The following TBC1D5 variants were observed in gnomAD, a reference collection of about 807,000 sequenced individuals.
The protein encoded by TBC1D5 is TBC1 domain family, member 5.
TBC1D5 carries 75 observed loss-of-function variants against 100.3 expected under a neutral mutation model. That is an observed-to-expected ratio of 0.75 (90% CI 0.62 to 0.91). TBC1D5 has a LOEUF of 0.91. Among genes scored for constraint, TBC1D5 ranks in the 40% least tolerant of loss-of-function variants. TBC1D5 has a pLI of 0.00. For missense variants in TBC1D5, 910 were observed against 942.4 expected, an observed-to-expected ratio of 0.97 and a Z score of 0.45; for synonymous variants, 323 against 325.6, an observed-to-expected ratio of 0.99 and a Z score of 0.09.
At chr3:17,197,542 A>G (rs1161536574) in intron 18 of TBC1D5, among the ~76,000 whole-genome samples, 1 of 152,116 alleles carries the variant, frequency 6.6e-6, no homozygotes, top group South Asian at 2.1e-4. Flanking sequence ...AAGCCCAGCT[A>G]ATTTTTTTTG....
rs374511285 is a variant in TBC1D5, at chr3:17,503,060, A to C, written c.97+5414T>G. Among the ~76,000 whole-genome samples, 456 of 149,790 alleles carry C rather than the reference A, an allele frequency of 3.0e-3. 11 individuals carry two copies. The highest frequency in any genetic ancestry group is 0.019 in the South Asian group (88 of 4,748). On this transcript the variant is annotated intron_variant, in intron 3 of 21. Transcript: ENST00000253692. ...AGTTTATTCACCCTACTACAGCCAG[A>C]ATAATCTTTGTAAAATGCAAATCTG...
intron 1 of TBC1D5, among the ~76,000 whole-genome samples, chr3:17,700,255 C>G (rs867193440): frequency 1.3e-5 from 2 of 152,020 alleles, no homozygotes; most frequent in Middle Eastern, 6.8e-3. Flanking sequence ...ATAAATGGTG[C>G]TGGGAAAACT....
At chr3:17,626,147 A>G (rs2063036241) in intron 1 of TBC1D5, among the ~76,000 whole-genome samples, 1 of 152,186 alleles carries the variant, frequency 6.6e-6, no homozygotes, top group Non-Finnish European at 1.5e-5. Flanking sequence ...TGAAGTAAGA[A>G]AAATTATAAA....
At chr3:17,509,120 T>C (rs938974280) in intron 2 of TBC1D5, among the ~76,000 whole-genome samples, 4 of 152,022 alleles carry the variant, frequency 2.6e-5, no homozygotes, top group Non-Finnish European at 4.4e-5. Context: ...GTAAACATAC[T>C]GATTATGTAA....
At chr3:17,548,640 C>G (rs1309481552) in intron 2 of TBC1D5, among the ~76,000 whole-genome samples, 1 of 152,128 alleles carries the variant, frequency 6.6e-6, no homozygotes, top group Non-Finnish European at 1.5e-5. Context: ...TAAACATAAA[C>G]ATGGTAGGGA....
At chr3:17,177,187 A>G (rs2067861202) in intron 19 of TBC1D5, among the ~76,000 whole-genome samples, 1 of 152,262 alleles carries the variant, frequency 6.6e-6, no homozygotes, top group Non-Finnish European at 1.5e-5. Context: ...GGAAAGAACC[A>G]GAAAATGGAA....
intron 15 of TBC1D5, among the ~76,000 whole-genome samples, chr3:17,276,239 T>C (rs2079996419): frequency 6.6e-6 from 1 of 152,170 alleles, no homozygotes; most frequent in Non-Finnish European, 1.5e-5. Flanking sequence ...TTTGTGGGGT[T>C]TCTTTTACAA....
At chr3:17,460,841 A>C (rs547367937) in intron 3 of TBC1D5, among the ~76,000 whole-genome samples, 3 of 152,242 alleles carry the variant, frequency 2.0e-5, no homozygotes, top group Non-Finnish European at 4.4e-5. Flanking sequence ...AGTGGGTCAG[A>C]AAGATTATTA....
chr3:17,364,155 C>T (rs2091948230), intron 13 of TBC1D5, among the ~76,000 whole-genome samples: 1 of 151,972 alleles, frequency 6.6e-6, no homozygotes. Flanking sequence ...ATGTTTTCTA[C>T]TAATTATTTA....
chr3:17,725,396 T>C (rs1340933076), intron 1 of TBC1D5, among the ~76,000 whole-genome samples: 5 of 152,142 alleles, frequency 3.3e-5, no homozygotes, highest in Admixed American at 6.5e-5. Flanking sequence ...AGTATTTTTT[T>C]TTTTTTTTAG....
chr3:17,181,604 T>C (rs2125439958), intron 19 of TBC1D5, among the ~76,000 whole-genome samples: 2 of 152,288 alleles, frequency 1.3e-5, no homozygotes, highest in Middle Eastern at 6.8e-3. Flanking sequence ...AGGTTGTCTG[T>C]TTCTCAGACA....
Position 17,670,767 on chromosome 3 carries a change from G to A in TBC1D5, c.-100-46854C>T, listed in dbSNP as rs184682217. Among the ~76,000 whole-genome samples, 47 of 152,270 alleles carry A rather than the reference G, an allele frequency of 3.1e-4. No individual in the cohort carries two copies. In the East Asian group the frequency reaches 7.7e-3, roughly 25 times the overall value. ...GTAGTAGGCATATTCCAGATTCCTGGCCATGTCAGGGAAATCCTTTCATAG... is the reference window on the plus strand; with the variant it reads ...GTAGTAGGCATATTCCAGATTCCTGACCATGTCAGGGAAATCCTTTCATAG... On this transcript the variant is annotated intron_variant, in intron 1 of 21. Transcript: ENST00000253692.
At chr3:17,228,692 T>C (rs1339310703) in intron 17 of TBC1D5, among the ~76,000 whole-genome samples, 1 of 85,006 alleles carries the variant, frequency 1.2e-5, no homozygotes, top group East Asian at 2.1e-4. Flanking sequence ...AGAAGTTATC[T>C]TTTTTTTTTT....
intron 13 of TBC1D5, chr3:17,338,403 C>G (rs1308693133): frequency 1.3e-5 from 2 of 152,134 alleles, no homozygotes; most frequent in African/African-American, 4.8e-5. Flanking sequence ...CAACGGACAC[C>G]TCCAGCAGCT....
chr3:17,329,102 T>G (rs1388547690), intron 13 of TBC1D5, among the ~76,000 whole-genome samples: 1 of 152,174 alleles, frequency 6.6e-6, no homozygotes, highest in Non-Finnish European at 1.5e-5. Context: ...CTGAAAGGCA[T>G]CTCTCCTGTA....
At chr3:17,509,249 C>G (rs899640957) in intron 2 of TBC1D5, among the ~76,000 whole-genome samples, 7 of 151,694 alleles carry the variant, frequency 4.6e-5, no homozygotes, top group African/African-American at 1.7e-4. Context: ...ATTTATGTAA[C>G]CAATTCCTTA....
At chr3:17,540,281 T>G (rs571255249) in intron 2 of TBC1D5, among the ~76,000 whole-genome samples, 1 of 152,362 alleles carries the variant, frequency 6.6e-6, no homozygotes, top group South Asian at 2.1e-4. Flanking sequence ...ATTCTGTGGT[T>G]GTCTTTTCAC....
rs534230408 is a variant in TBC1D5 at position 17,345,333 on chromosome 3, T to G, written c.995+26742A>C. 5.9e-5 allele frequency among the ~76,000 whole-genome samples: 9 copies of G among 152,318 alleles called. No homozygotes were observed. The East Asian group carries it at 1.7e-3, about 29-fold the overall frequency. On this transcript the variant is annotated intron_variant, in intron 13 of 21. Coordinates refer to ENST00000253692, the Ensembl canonical transcript of TBC1D5. ...CACATGAAAAAATGCTCATCATCACTGGCCATCAGAGAAATGCAAATTAAA... is the reference window on the plus strand; with the variant it reads ...CACATGAAAAAATGCTCATCATCACGGGCCATCAGAGAAATGCAAATTAAA...
At chr3:17,427,165 T>C (rs747988569) in intron 4 of TBC1D5, among the ~76,000 whole-genome samples, 1 of 151,954 alleles carries the variant, frequency 6.6e-6, no homozygotes, top group Non-Finnish European at 1.5e-5. Flanking sequence ...AGGATGGATA[T>C]AGTGAAAATT....
Sources: gnomAD v4.1 joint callset for allele counts (sites outside exome capture counted in the v4.1 genomes callset) on GRCh38, gnomAD v4.1.1 for gene constraint, MANE v1.5 for transcripts, NCBI Gene and HGNC (gene_info 2026-07-23, HGNC 2026-07-21) for gene names.